The following AFF2 variants were observed in gnomAD, a reference collection of about 807,000 sequenced individuals.
AFF2 encodes the protein ALF transcription elongation factor 2.
A neutral mutation model predicts 76.9 loss-of-function variants in AFF2; 14 were observed. The observed-to-expected ratio is 0.18, with a 90% CI of 0.12 to 0.28. The LOEUF is 0.28. Ranked by LOEUF, AFF2 falls within the 10% of genes least tolerant of loss-of-function variation. The pLI, the probability that AFF2 is intolerant of heterozygous loss-of-function variation, is 1.00. For missense variants in AFF2, 868 were observed against 1,001.1 expected, an observed-to-expected ratio of 0.87 and a Z score of 1.79; for synonymous variants, 398 against 366.7, an observed-to-expected ratio of 1.09 and a Z score of -0.98.
chrX:148,722,346 G>A (rs948303776), intron 3 of AFF2, among the ~76,000 whole-genome samples: 3 of 111,320 alleles, frequency 2.7e-5, no homozygotes, highest in South Asian at 3.8e-4. Flanking sequence ...TAAGTGACAC[G>A]TATCCACGCC....
At chrX:148,651,356 C>CT (rs1212351224) in intron 1 of AFF2, among the ~76,000 whole-genome samples, 2 of 111,892 alleles carry the variant, frequency 1.8e-5, no homozygotes, top group Non-Finnish European at 3.8e-5. Flanking sequence ...AGTCAGACCC[C>CT]TTTTTTTGTG....
intron 3 of AFF2, among the ~76,000 whole-genome samples, chrX:148,687,619 T>A: frequency 9.0e-6 from 1 of 110,520 alleles, no homozygotes; most frequent in East Asian, 2.9e-4. Context: ...TTCTGCTTGA[T>A]CCTTCTGTGA....
At chrX:148,789,780 C>T (rs782205158) in intron 3 of AFF2, among the ~76,000 whole-genome samples, 7 of 111,826 alleles carry the variant, frequency 6.3e-5, no homozygotes, top group Non-Finnish European at 1.3e-4. Flanking sequence ...TTTCTCTTGG[C>T]ATTGTTAATC....
At position 148,973,629 on chromosome X, in the gene AFF2, A is replaced by T. The variant is rs781992736; in HGVS notation, c.3404+22A>T. The T allele has an allele frequency of 2.4e-5, 28 of 1,177,838 alleles. No individual in the cohort carries two copies. In the South Asian group the frequency reaches 5.1e-4, roughly 22 times the overall value. On this transcript the variant is annotated intron_variant, in intron 16 of 20. Transcript: ENST00000370460. ...TCAGGTGAATAGCCTTTCTGCAATCATCTTCCTACACTCATTTCAGCTAGA... is the reference window on the plus strand; with the variant it reads ...TCAGGTGAATAGCCTTTCTGCAATCTTCTTCCTACACTCATTTCAGCTAGA...
chrX:148,696,287 C>T (rs782634603), intron 3 of AFF2, among the ~76,000 whole-genome samples: 5 of 98,544 alleles, frequency 5.1e-5, no homozygotes, highest in Admixed American at 1.1e-4. Context: ...CATCACACAC[C>T]GGGGACTGTT....
At chrX:148,531,328 G>C (rs2052728021) in intron 1 of AFF2, among the ~76,000 whole-genome samples, 1 of 111,860 alleles carries the variant, frequency 8.9e-6, no homozygotes, top group African/African-American at 3.2e-5. Flanking sequence ...ATTTATTTTA[G>C]GTACAAGGTA....
intron 9 of AFF2, 45 bp from the exon 10 acceptor site, chrX:148,953,535 A>C: frequency 8.5e-7 from 1 of 1,172,111 alleles, no homozygotes; most frequent in East Asian, 3.0e-5. Context: ...TTTCCATCTT[A>C]TTTGAGAGTA....
At chrX:148,755,915 C>T (rs2055556507) in intron 3 of AFF2, among the ~76,000 whole-genome samples, 1 of 111,982 alleles carries the variant, frequency 8.9e-6, no homozygotes, top group African/African-American at 3.2e-5. Flanking sequence ...AGTTGAAACA[C>T]TGGCTAGTTT....
chrX:148,756,803 G>A (rs1569554962), intron 3 of AFF2, among the ~76,000 whole-genome samples: 1 of 112,788 alleles, frequency 8.9e-6, no homozygotes, highest in Non-Finnish European at 1.9e-5. Context: ...ATGCTTGCAA[G>A]TTAGCAACTA....
chrX:148,669,372 G>A (rs1038135930), intron 3 of AFF2, among the ~76,000 whole-genome samples: 15 of 111,794 alleles, frequency 1.3e-4, no homozygotes, highest in African/African-American at 4.9e-4. Context: ...CTTTTCAGCA[G>A]CACCCCACTC....
intron 1 of AFF2, among the ~76,000 whole-genome samples, chrX:148,557,399 T>C: frequency 8.9e-6 from 1 of 112,224 alleles, no homozygotes; most frequent in Non-Finnish European, 1.9e-5. Context: ...GACTGGGTAA[T>C]CTATAAAGAA....
At chrX:148,689,533 C>T in intron 3 of AFF2, among the ~76,000 whole-genome samples, 1 of 110,541 alleles carries the variant, frequency 9.0e-6, no homozygotes, top group Non-Finnish European at 1.9e-5. Context: ...GTCCCCAGGA[C>T]CACTCCTGGG....
intron 1 of AFF2, among the ~76,000 whole-genome samples, chrX:148,651,766 A>G (rs981344068): frequency 9.0e-6 from 1 of 111,410 alleles, no homozygotes; most frequent in Non-Finnish European, 1.9e-5. Context: ...CTTGCTTGTC[A>G]TGAATATCAT....
chrX:148,563,890 C>T lies in AFF2; in HGVS notation c.47+62746C>T, dbSNP rs1037464532. On this transcript the variant is annotated intron_variant, in intron 1 of 20. Coordinates refer to ENST00000370460, the MANE Select transcript of AFF2 (RefSeq NM_002025.4). ...TACTTCTAGTGTCAGTGTCAGTGAC[C>T]AGCACATGCCAGGTGTTTTATAAAT... Among the ~76,000 whole-genome samples, 3 of 111,236 alleles carry T rather than the reference C, an allele frequency of 2.7e-5. No individual in the cohort carries two copies. The South Asian group carries it at 1.2e-3, about 43-fold the overall frequency.
chrX:148,836,389 CT>C (rs2070525659), intron 4 of AFF2, among the ~76,000 whole-genome samples: 1 of 111,479 alleles, frequency 9.0e-6, no homozygotes, highest in African/African-American at 3.3e-5. Flanking sequence ...TCTTTTTGAA[CT>C]GAGTAATTAT....
intron 1 of AFF2, among the ~76,000 whole-genome samples, chrX:148,595,548 TAG>T (rs1259462747): frequency 8.9e-6 from 1 of 111,958 alleles, no homozygotes; most frequent in African/African-American, 3.2e-5. Flanking sequence ...ATGCAGCTAG[TAG>T]AGAGTTTAAG....
chrX:148,826,645 T>C (rs143149020), intron 4 of AFF2, among the ~76,000 whole-genome samples: 1,635 of 111,992 alleles, frequency 0.015, 20 homozygotes, highest in Middle Eastern at 0.032. Flanking sequence ...AAGTTCTCCT[T>C]CTTCATCAGT....
intron 7 of AFF2, among the ~76,000 whole-genome samples, chrX:148,846,566 T>C (rs1456138165): frequency 8.9e-6 from 1 of 111,792 alleles, no homozygotes; most frequent in Non-Finnish European, 1.9e-5. Context: ...TAATCATTAA[T>C]ACTTTCTGGA....
chrX:148,867,402 A>G (rs190833271), intron 7 of AFF2, among the ~76,000 whole-genome samples: 5 of 112,360 alleles, frequency 4.4e-5, no homozygotes, highest in Non-Finnish European at 3.8e-5. Flanking sequence ...GGGAAGGGCC[A>G]TGCTACCAGC....
Sources: allele counts gnomAD v4.1 joint callset (sites outside exome capture counted in the v4.1 genomes callset), GRCh38; gene constraint gnomAD v4.1.1; transcripts MANE v1.5; gene names NCBI Gene and HGNC (gene_info 2026-07-23, HGNC 2026-07-21).